PAPSS1: variants seen among roughly 807,000 people sequenced by gnomAD.
The protein encoded by PAPSS1 is bifunctional 3'-phosphoadenosine 5'-phosphosulfate synthase 1.
In PAPSS1, 50 loss-of-function variants were observed where a neutral mutation model predicts 72.0. The ratio of observed to expected loss-of-function variants is 0.69; its 90% CI spans 0.55 to 0.88. The LOEUF (loss-of-function observed/expected upper bound fraction) is 0.88, where lower values mean the gene tolerates loss of function less well. PAPSS1 is among the 40% of genes least tolerant of loss of function. The pLI, the probability that PAPSS1 is intolerant of heterozygous loss-of-function variation, is 0.00. For synonymous variants in PAPSS1, 261 were observed against 263.6 expected, an observed-to-expected ratio of 0.99 and a Z score of 0.09; for missense variants, 657 against 782.2, an observed-to-expected ratio of 0.84 and a Z score of 1.91.
intron 1 of PAPSS1, among the ~76,000 whole-genome samples, chr4:107,710,961 G>A (rs1723476717): frequency 6.6e-6 from 1 of 152,170 alleles, no homozygotes; most frequent in African/African-American, 2.4e-5. Context: ...ATATACCTGC[G>A]CTGTAAACTC....
intron 1 of PAPSS1, among the ~76,000 whole-genome samples, chr4:107,706,675 G>GT (rs1029657315): frequency 6.6e-6 from 1 of 152,138 alleles, no homozygotes; most frequent in Non-Finnish European, 1.5e-5. Flanking sequence ...AAGTCTCCTT[G>GT]TTTTTTCACA....
chr4:107,680,580 TG>T (rs1727779321), intron 5 of PAPSS1, among the ~76,000 whole-genome samples: 2 of 152,200 alleles, frequency 1.3e-5, no homozygotes, highest in African/African-American at 4.8e-5. Flanking sequence ...AACACTCTTA[TG>T]TCTGTTTCTA....
chr4:107,658,074 C>G (rs1240522903), intron 6 of PAPSS1, among the ~76,000 whole-genome samples: 1 of 151,876 alleles, frequency 6.6e-6, no homozygotes. Flanking sequence ...CCAAGATTAA[C>G]AAAATCTTGC....
At chr4:107,710,907 C>A (rs566158472) in intron 1 of PAPSS1, among the ~76,000 whole-genome samples, 7 of 152,340 alleles carry the variant, frequency 4.6e-5, no homozygotes, top group Non-Finnish European at 8.8e-5. Context: ...AAATGATGAA[C>A]CTTCTCATGT....
chr4:107,707,093 G>A (rs1353054865), intron 1 of PAPSS1, among the ~76,000 whole-genome samples: 2 of 152,192 alleles, frequency 1.3e-5, no homozygotes, highest in East Asian at 3.9e-4. Flanking sequence ...GTATTGGGAT[G>A]GTCCTGAAAC....
chr4:107,708,424 T>C (rs1030243737), intron 1 of PAPSS1, among the ~76,000 whole-genome samples: 4 of 152,250 alleles, frequency 2.6e-5, no homozygotes, highest in African/African-American at 9.6e-5. Context: ...TTGCTGCCTA[T>C]ACTGGTAGAA....
intron 11 of PAPSS1, among the ~76,000 whole-genome samples, chr4:107,624,049 A>T (rs1397972617): frequency 6.6e-6 from 1 of 152,148 alleles, no homozygotes; most frequent in Non-Finnish European, 1.5e-5. Flanking sequence ...TATCAACTCC[A>T]GCTCCTACCT....
At chr4:107,625,839 C>A (rs981554586) in intron 11 of PAPSS1, among the ~76,000 whole-genome samples, 1 of 152,148 alleles carries the variant, frequency 6.6e-6, no homozygotes, top group Non-Finnish European at 1.5e-5. Context: ...TTGAAGGATG[C>A]CTACAGTTAG....
intron 11 of PAPSS1, among the ~76,000 whole-genome samples, chr4:107,623,339 A>G (rs557586840): frequency 1.3e-5 from 2 of 152,216 alleles, no homozygotes; most frequent in African/African-American, 4.8e-5. Context: ...TTTTTGACTA[A>G]AACTGTTCAT....
intron 9 of PAPSS1, among the ~76,000 whole-genome samples, chr4:107,649,240 C>T (rs899096224): frequency 2.6e-5 from 4 of 152,168 alleles, no homozygotes; most frequent in Admixed American, 6.5e-5. Context: ...GAAAAGTTTT[C>T]GGGGAGCTCT....
At chr4:107,692,263 A>G (rs1236247677) in intron 3 of PAPSS1, among the ~76,000 whole-genome samples, 8 of 152,132 alleles carry the variant, frequency 5.3e-5, no homozygotes, top group Admixed American at 5.2e-4. Flanking sequence ...GACAACCTAC[A>G]GAATGGGATC....
intron 3 of PAPSS1, among the ~76,000 whole-genome samples, chr4:107,687,933 T>A (rs983288678): frequency 1.2e-4 from 18 of 149,738 alleles, no homozygotes; most frequent in African/African-American, 4.5e-4. Flanking sequence ...CTGACAATCC[T>A]CACCTACTTC....
intron 5 of PAPSS1, among the ~76,000 whole-genome samples, chr4:107,671,277 AAAACTT>A (rs1318371452): frequency 6.6e-6 from 1 of 151,952 alleles, no homozygotes; most frequent in Non-Finnish European, 1.5e-5. Flanking sequence ...TTTTTCAAGA[AAAACTT>A]AAAATTATCT....
chr4:107,619,328 A>G (rs546141195), intron 11 of PAPSS1, among the ~76,000 whole-genome samples: 29 of 152,330 alleles, frequency 1.9e-4, no homozygotes, highest in African/African-American at 7.0e-4. Context: ...GCATGCCACA[A>G]GCATTTCTTC....
At chr4:107,635,038 T>C (rs1460945851) in intron 10 of PAPSS1, among the ~76,000 whole-genome samples, 2 of 152,096 alleles carry the variant, frequency 1.3e-5, no homozygotes, top group East Asian at 1.9e-4. Context: ...GACCTTGTGA[T>C]CCGCCCGCCT....
At chr4:107,699,862 C>A (rs1397147074) in intron 2 of PAPSS1, among the ~76,000 whole-genome samples, 1 of 152,120 alleles carries the variant, frequency 6.6e-6, no homozygotes, top group East Asian at 1.9e-4. Context: ...ATAAAACCTC[C>A]AGGAGTTCAG....
chr4:107,707,780 T>C (rs1723376142), intron 1 of PAPSS1, among the ~76,000 whole-genome samples: 1 of 152,226 alleles, frequency 6.6e-6, no homozygotes, highest in East Asian at 1.9e-4. Context: ...AGAATAGTTG[T>C]TCAATTTATG....
At chr4:107,654,506 G>C (rs150336100) in intron 8 of PAPSS1, among the ~76,000 whole-genome samples, 189 bp downstream of exon 8, 35 of 152,224 alleles carry the variant, frequency 2.3e-4, no homozygotes, top group Middle Eastern at 3.4e-3. Context: ...AAATATGTTT[G>C]TTGAATAAAT....
chr4:107,660,514 G>T (rs532583036), intron 5 of PAPSS1, among the ~76,000 whole-genome samples: 2 of 152,114 alleles, frequency 1.3e-5, no homozygotes, highest in Admixed American at 6.5e-5. Context: ...CAAGCAACAC[G>T]GTATTCTAGA....
Sources: gnomAD v4.1 joint callset for allele counts (sites outside exome capture counted in the v4.1 genomes callset) on GRCh38, gnomAD v4.1.1 for gene constraint, MANE v1.5 for transcripts, NCBI Gene and HGNC (gene_info 2026-07-23, HGNC 2026-07-21) for gene names.